TMEM25: variants seen among roughly 807,000 people sequenced by gnomAD.
The protein encoded by TMEM25 is 0610039J01Rik.
Under a neutral mutation model 37.0 loss-of-function variants are expected in TMEM25, and 36 were observed. The observed-to-expected ratio is 0.97, with a 90% CI of 0.75 to 1.28. The LOEUF (loss-of-function observed/expected upper bound fraction) is 1.28. TMEM25 is among the 50% of genes most tolerant of loss of function. The pLI, the probability that TMEM25 is intolerant of heterozygous loss-of-function variation, is 0.00. For missense variants in TMEM25, 444 were observed against 477.9 expected (o/e 0.93, Z 0.66); for synonymous variants, 197 against 203.7 (o/e 0.97, Z 0.28).
chr11:118,531,969 A>C, intron 2 of TMEM25, 98 bp downstream of exon 2: 4 of 1,439,450 alleles, frequency 2.8e-6, no homozygotes, highest in Non-Finnish European at 3.8e-6. Context: ...TCCAGGCCCC[A>C]AGCCCTGGAG....
downstream of TMEM25, among the ~76,000 whole-genome samples, chr11:118,540,421 A>C (rs1375573974): frequency 2.6e-5 from 4 of 152,084 alleles, no homozygotes; most frequent in African/African-American, 9.7e-5. Flanking sequence ...CCACTCCAAA[A>C]TTTTTCTTAG....
At chr11:118,541,867 C>T (rs577227775) in intron 8 of TMEM25, among the ~76,000 whole-genome samples, 1 of 152,336 alleles carries the variant, frequency 6.6e-6, no homozygotes, top group South Asian at 2.1e-4. Context: ...AATCGATCCT[C>T]CTACCTCAGC....
intron 8 of TMEM25, chr11:118,544,818 G>A (rs1565341882): frequency 1.2e-6 from 1 of 831,316 alleles, no homozygotes. Flanking sequence ...GCCAAGCTGT[G>A]GCATGGGCAA....
intron 1 of TMEM25, 96 bp from the exon 2 acceptor site, chr11:118,531,679 T>C (rs1029665237): frequency 6.0e-6 from 6 of 995,078 alleles, no homozygotes; most frequent in South Asian, 1.7e-5. Context: ...TGCGTTTCCG[T>C]ACATGGTTCT....
At chr11:118,539,669 G>A (rs1469207125), downstream of TMEM25, among the ~76,000 whole-genome samples, 1 of 152,074 alleles carries the variant, frequency 6.6e-6, no homozygotes, top group African/African-American at 2.4e-5. Context: ...TGTGGAGGGT[G>A]TACTTTCCCA....
intron 3 of TMEM25, 143 bp from the exon 4 acceptor site, chr11:118,532,774 C>T (rs1207009349): frequency 5.7e-5 from 69 of 1,215,300 alleles, no homozygotes; most frequent in Non-Finnish European, 7.1e-5. Flanking sequence ...AATGCTGCCT[C>T]TCTGGCAGAC....
chr11:118,544,576 C>T (rs981966829), intron 8 of TMEM25: 6 of 246,742 alleles, frequency 2.4e-5, no homozygotes, highest in South Asian at 8.6e-5. Flanking sequence ...ACTAACTTTA[C>T]GAATGAAAGA....
At chr11:118,546,227 T>C (rs939499581) in exon 9 of TMEM25, 1 of 714,408 alleles carries the variant, frequency 1.4e-6, no homozygotes, top group Non-Finnish European at 2.6e-6. Context: ...TGGGGCGTGG[T>C]GGCTTCACGC....
chr11:118,545,258 C>A, intron 8 of TMEM25: 3 of 744,998 alleles, frequency 4.0e-6, no homozygotes, highest in Non-Finnish European at 6.9e-6. Flanking sequence ...CCATCCCTGC[C>A]TCCTTTGCTC....
rs1251365215 is a variant in TMEM25 at position 118,535,657 on chromosome 11, A to G, written c.*1077A>G. 3 of 1,513,554 alleles carry G rather than the reference A, an allele frequency of 2.0e-6. No individual in the cohort carries two copies. Among genetic ancestry groups the G allele is most frequent in the East Asian group, 5.0e-5 (2 of 40,268 alleles). The allele number at this position is 1,513,554 out of a possible 1,614,324, so 93.8% of individuals were successfully genotyped here. The stretch of plus-strand genomic sequence containing the variant: ...GAACATGGAGAAAGAAGGAGACCAC[A>G]TACCCCAAAGTGACCTAAGAACACT... On this transcript the variant is annotated 3_prime_UTR_variant, in exon 9 of 9. Coordinates refer to ENST00000313236, the MANE Select transcript of TMEM25 (RefSeq NM_032780.4).
At position 118,533,555 on chromosome 11, in the gene TMEM25, G is replaced by A. The variant is rs782410731; in HGVS notation, c.805+4G>A. ...AGAAAAGAGAAGAAAACCAAAGGTA[G>A]GCCAGGGACACTGGGGGCAGTGTGG... On this transcript the variant is annotated splice_donor_region_variant and intron_variant, in intron 5 of 8. Coordinates refer to ENST00000313236, the MANE Select transcript of TMEM25 (RefSeq NM_032780.4). 13 of 1,613,840 alleles carry A rather than the reference G, an allele frequency of 8.1e-6. 1 individual carries two copies. The South Asian group carries it at 8.8e-5, about 11-fold the overall frequency.
At chr11:118,537,538 ACTT>A (rs1252222015), downstream of TMEM25, among the ~76,000 whole-genome samples, 12 of 151,974 alleles carry the variant, frequency 7.9e-5, no homozygotes, top group African/African-American at 2.9e-4. Context: ...CCTTTAACTC[ACTT>A]CTTTTGTTTA....
chr11:118,542,818 CAGG>C (rs1951595887), intron 8 of TMEM25, among the ~76,000 whole-genome samples: 2 of 152,102 alleles, frequency 1.3e-5, no homozygotes, highest in Non-Finnish European at 2.9e-5. Context: ...GAGGCTGAGG[CAGG>C]AGAATTGCTT....
intron 5 of TMEM25, 52 bp downstream of exon 5, chr11:118,533,603 C>G: frequency 6.2e-7 from 1 of 1,611,660 alleles, no homozygotes; most frequent in Non-Finnish European, 8.5e-7. Flanking sequence ...TGAGCAGCAG[C>G]CAAGACAGCA....
At chr11:118,542,780 G>T (rs190802568) in intron 8 of TMEM25, among the ~76,000 whole-genome samples, 2 of 152,312 alleles carry the variant, frequency 1.3e-5, no homozygotes, top group Admixed American at 1.3e-4. Flanking sequence ...AGCCGTGGTG[G>T]TGCATGCCTG....
Position 118,534,380 on chromosome 11 carries a change from C to T in TMEM25, c.1027+25C>T. The T allele has an allele frequency of 1.2e-6, 2 of 1,612,390 alleles. No homozygotes were observed. Among genetic ancestry groups the T allele is most frequent in the Non-Finnish European group, 8.5e-7 (1 of 1,179,274 alleles). The stretch of plus-strand genomic sequence containing the variant: ...GGTACTGGGGAAGGGGCCTGCCACC[C>T]TCCTCCTCTGCCCCCCAGCCCTGTG... On this transcript the variant is annotated intron_variant, in intron 8 of 8. Coordinates refer to ENST00000313236, the MANE Select transcript of TMEM25 (RefSeq NM_032780.4). This position sits in a 1 kb window ranked among gnomAD's most constrained non-coding sequence, Gnocchi z 4.6.
Position 118,534,565 on chromosome 11 carries a change from TGAG to T in TMEM25, c.1087_1089del (p.Glu363del). ...ATCGAGTGTCCAGCGTGAGCAGTGA[TGAG>T]ATCTGGCTCTGAGCCGAGGGCGAGA... is the stretch of plus-strand genomic sequence containing the variant. On this transcript the variant is annotated inframe_deletion, in exon 9 of 9. Transcript: ENST00000313236. The surrounding 1 kb of genome is among the most constrained non-coding windows in gnomAD (Gnocchi z 4.6). 6.2e-7 allele frequency: 1 copy of T among 1,612,618 alleles called. No homozygotes were observed.
intron 6 of TMEM25, 69 bp from the exon 7 acceptor site, chr11:118,533,960 T>C: frequency 1.2e-6 from 2 of 1,613,878 alleles, no homozygotes; most frequent in South Asian, 2.2e-5. Flanking sequence ...GCCTGGGGTT[T>C]CTGGTAGAGG....
chr11:118,538,725 T>G (rs888269163), downstream of TMEM25, among the ~76,000 whole-genome samples: 2 of 151,834 alleles, frequency 1.3e-5, no homozygotes, highest in South Asian at 4.1e-4. Flanking sequence ...AAACCCCATC[T>G]CTACTAAAAA....
Sources: gnomAD v4.1 joint callset for allele counts (sites outside exome capture counted in the v4.1 genomes callset) on GRCh38, gnomAD v4.1.1 for gene constraint, Gnocchi (gnomAD v3.1) non-coding constraint, MANE v1.5 for transcripts, NCBI Gene and HGNC (gene_info 2026-07-23, HGNC 2026-07-21) for gene names.